The following SSBP2 variants were observed in gnomAD, a reference collection of about 807,000 sequenced individuals.
SSBP2 encodes single stranded DNA binding protein 2.
Under a neutral mutation model 61.8 loss-of-function variants are expected in SSBP2, and 17 were observed. The observed-to-expected ratio is 0.28, with a 90% confidence interval of 0.19 to 0.41. The LOEUF (loss-of-function observed/expected upper bound fraction) is 0.41. Among genes scored for constraint, SSBP2 ranks in the 10% least tolerant of loss-of-function variants. SSBP2 has a pLI of 1.00. For missense variants in SSBP2, 310 were observed against 458.7 expected (o/e 0.68, Z 2.96); for synonymous variants, 139 against 141.3 (o/e 0.98, Z 0.12).
intron 4 of SSBP2, among the ~76,000 whole-genome samples, chr5:81,553,235 G>A (rs949985074): frequency 6.6e-6 from 1 of 152,114 alleles, no homozygotes; most frequent in Non-Finnish European, 1.5e-5. Flanking sequence ...TCTTTCACTT[G>A]TGACCCTACT....
chr5:81,646,176 G>A (rs967244207), intron 2 of SSBP2, among the ~76,000 whole-genome samples: 1 of 152,120 alleles, frequency 6.6e-6, no homozygotes, highest in African/African-American at 2.4e-5. Flanking sequence ...TGAAAGAAGT[G>A]ACCCAGCACA....
intron 1 of SSBP2, among the ~76,000 whole-genome samples, chr5:81,651,125 A>G (rs1435016980): frequency 6.6e-6 from 1 of 152,166 alleles, no homozygotes; most frequent in African/African-American, 2.4e-5. Flanking sequence ...TTATTCATAA[A>G]CCCAAATTAG....
chr5:81,558,442 G>C (rs1419896165), intron 4 of SSBP2, among the ~76,000 whole-genome samples: 1 of 152,218 alleles, frequency 6.6e-6, no homozygotes, highest in Non-Finnish European at 1.5e-5. Flanking sequence ...AGAGAACAGA[G>C]AGAGATATTT....
intron 1 of SSBP2, among the ~76,000 whole-genome samples, chr5:81,661,231 A>G (rs6452422): frequency 0.055 from 8,305 of 152,248 alleles, 457 homozygotes; most frequent in African/African-American, 0.14. Flanking sequence ...AATTTTGCAT[A>G]TATAGTCTAT....
At position 81,521,840 on chromosome 5, in the gene SSBP2, G is replaced by A. The variant is rs371776867; in HGVS notation, c.283-8123C>T. 2.1e-4 allele frequency among the ~76,000 whole-genome samples: 32 copies of A among 151,866 alleles called. No individual in the cohort carries two copies. In the East Asian group the frequency reaches 5.4e-3, roughly 26 times the overall value. ...GTAAACCTCACAAGGGTCATTTTTTGCAAATGTTATTAACAACTAGATAAA... is the reference window on the plus strand; with the variant it reads ...GTAAACCTCACAAGGGTCATTTTTTACAAATGTTATTAACAACTAGATAAA... On this transcript the variant is annotated intron_variant, in intron 4 of 16. Transcript: ENST00000320672.
intron 10 of SSBP2, among the ~76,000 whole-genome samples, chr5:81,459,705 T>G (rs1164146133): frequency 1.3e-5 from 2 of 152,234 alleles, no homozygotes; most frequent in Non-Finnish European, 2.9e-5. Flanking sequence ...TTAAAATAAA[T>G]GTATCTTGAC....
At chr5:81,685,941 G>T (rs1229852699) in intron 1 of SSBP2, among the ~76,000 whole-genome samples, 1 of 152,132 alleles carries the variant, frequency 6.6e-6, no homozygotes, top group Non-Finnish European at 1.5e-5. Context: ...ACATTAACTG[G>T]AATCTTCCTC....
At chr5:81,593,482 T>TA (rs1467297565) in intron 4 of SSBP2, among the ~76,000 whole-genome samples, 1 of 152,050 alleles carries the variant, frequency 6.6e-6, no homozygotes, top group Non-Finnish European at 1.5e-5. Context: ...ATTCAGGAAA[T>TA]ACAGAGAACG....
intron 2 of SSBP2, 51 bp downstream of exon 2, chr5:81,650,216 C>A: frequency 7.9e-7 from 1 of 1,258,778 alleles, no homozygotes; most frequent in South Asian, 1.4e-5. Flanking sequence ...GTGTGTTTTC[C>A]ATTCATTTAT....
Position 81,428,877 on chromosome 5 carries a change from A to T in SSBP2, c.958-194T>A, listed in dbSNP as rs575598019. On this transcript the variant is annotated intron_variant, in intron 15 of 16. Transcript: ENST00000320672. The stretch of plus-strand genomic sequence containing the variant: ...CTAATGCCTTCCCAAATGAAAATTT[A>T]AAAAAAAATAAAAAAACCCCCAATA... Among the ~76,000 whole-genome samples the T allele has an allele frequency of 1.7e-4, 26 of 151,604 alleles. No individual in the cohort carries two copies. In the East Asian group the frequency reaches 1.9e-3, roughly 11 times the overall value.
intron 4 of SSBP2, among the ~76,000 whole-genome samples, chr5:81,567,753 G>T (rs1773538001): frequency 6.6e-6 from 1 of 152,216 alleles, no homozygotes; most frequent in Non-Finnish European, 1.5e-5. Context: ...AAGATCATGG[G>T]AACCCACCTC....
intron 4 of SSBP2, among the ~76,000 whole-genome samples, chr5:81,563,174 T>C (rs896354674): frequency 6.6e-6 from 1 of 152,152 alleles, no homozygotes; most frequent in African/African-American, 2.4e-5. Context: ...GGAAAAAGAA[T>C]AGATCAATGG....
chr5:81,550,453 T>C (rs1409675690), intron 4 of SSBP2, among the ~76,000 whole-genome samples: 1 of 152,206 alleles, frequency 6.6e-6, no homozygotes, highest in Non-Finnish European at 1.5e-5. Context: ...TCATTTTTTT[T>C]ACCAAAGTAA....
At chr5:81,693,716 G>A (rs948067863) in intron 1 of SSBP2, among the ~76,000 whole-genome samples, 1 of 152,128 alleles carries the variant, frequency 6.6e-6, no homozygotes, top group South Asian at 2.1e-4. Flanking sequence ...GGGAACCCTC[G>A]TACATTGTTG....
intron 1 of SSBP2, among the ~76,000 whole-genome samples, chr5:81,731,176 ATATC>A: frequency 6.6e-6 from 1 of 152,338 alleles, no homozygotes; most frequent in South Asian, 2.1e-4. Context: ...ATAGAGTACA[ATATC>A]TATCTCATTG....
chr5:81,591,015 G>C (rs1451663408), intron 4 of SSBP2, among the ~76,000 whole-genome samples: 1 of 152,186 alleles, frequency 6.6e-6, no homozygotes, highest in African/African-American at 2.4e-5. Flanking sequence ...TGTGTCCTAT[G>C]CTACCAGGCT....
intron 4 of SSBP2, among the ~76,000 whole-genome samples, chr5:81,578,436 T>C (rs1317440697): frequency 6.6e-6 from 1 of 151,944 alleles, no homozygotes; most frequent in Non-Finnish European, 1.5e-5. Context: ...TTTTTACTTA[T>C]AAAAAGTCAT....
intron 5 of SSBP2, among the ~76,000 whole-genome samples, chr5:81,490,369 AAC>A (rs1399933506): frequency 2.6e-4 from 40 of 152,060 alleles, no homozygotes; most frequent in Non-Finnish European, 5.1e-4. Context: ...TTTTTCTAGA[AAC>A]AACAGAAAAA....
intron 1 of SSBP2, among the ~76,000 whole-genome samples, chr5:81,688,607 AAG>A (rs1356287923): frequency 5.3e-5 from 8 of 152,208 alleles, no homozygotes; most frequent in African/African-American, 1.9e-4. Flanking sequence ...GAAAAAGAAT[AAG>A]AGTTTCCACC....
Sources: gnomAD v4.1 joint callset for allele counts (sites outside exome capture counted in the v4.1 genomes callset) on GRCh38, gnomAD v4.1.1 for gene constraint, MANE v1.5 for transcripts, NCBI Gene and HGNC (gene_info 2026-07-23, HGNC 2026-07-21) for gene names.